The following DHRSX variants were observed in gnomAD, a reference collection of about 807,000 sequenced individuals.
DHRSX encodes dehydrogenase/reductase X-linked.
Under a neutral mutation model 34.0 loss-of-function variants are expected in DHRSX, and 31 were observed. That is an observed-to-expected ratio of 0.91 (90% CI 0.69 to 1.23). The LOEUF is 1.23. Ranked by LOEUF, DHRSX falls within the 50% of genes most tolerant of loss-of-function variation. DHRSX has a pLI of 0.00. For missense variants in DHRSX, 414 were observed against 428.1 expected, an observed-to-expected ratio of 0.97 and a Z score of 0.29; for synonymous variants, 201 against 183.8, an observed-to-expected ratio of 1.09 and a Z score of -0.76.
intron 1 of DHRSX, among the ~76,000 whole-genome samples, chrX:2,460,302 T>C (rs150306972): frequency 0.027 from 4,101 of 151,296 alleles, 147 homozygotes; most frequent in African/African-American, 0.079. Flanking sequence ...CTCATCCTCC[T>C]GAGTACATGC....
chrX:2,481,683 CCACACTG>C (rs1347924565), intron 1 of DHRSX, among the ~76,000 whole-genome samples: 1 of 151,962 alleles, frequency 6.6e-6, no homozygotes, highest in African/African-American at 2.4e-5. Context: ...AAAATGGTAT[CCACACTG>C]CAGCATGGAC....
intron 4 of DHRSX, among the ~76,000 whole-genome samples, chrX:2,276,456 G>C (rs920353375): frequency 6.6e-6 from 1 of 152,250 alleles, no homozygotes; most frequent in East Asian, 1.9e-4. Flanking sequence ...ATCGTCCATC[G>C]ATCTGCCAAT....
intron 3 of DHRSX, among the ~76,000 whole-genome samples, chrX:2,395,554 T>C (rs2043399113): frequency 6.6e-6 from 1 of 152,160 alleles, no homozygotes; most frequent in Admixed American, 6.5e-5. Context: ...CCTCCTGTCA[T>C]GCCCCATCGG....
At chrX:2,429,853 T>C (rs935742985) in intron 1 of DHRSX, among the ~76,000 whole-genome samples, 3 of 144,548 alleles carry the variant, frequency 2.1e-5, no homozygotes, top group Non-Finnish European at 4.4e-5. Context: ...GATGATATGA[T>C]GGTATGCCAG....
intron 3 of DHRSX, among the ~76,000 whole-genome samples, chrX:2,406,824 C>T (rs2043561444): frequency 6.6e-6 from 1 of 152,116 alleles, no homozygotes; most frequent in Admixed American, 6.6e-5. Context: ...GTGGGAATGT[C>T]AATTAGTACA....
chrX:2,356,610 G>A (rs753639180), intron 3 of DHRSX, among the ~76,000 whole-genome samples: 2 of 152,222 alleles, frequency 1.3e-5, no homozygotes, highest in South Asian at 4.2e-4. Context: ...GGACTGTACA[G>A]GTCAGTTATA....
chrX:2,257,084 T>C (rs73185703), intron 5 of DHRSX, among the ~76,000 whole-genome samples: 19,742 of 152,164 alleles, frequency 0.13, 1,825 homozygotes, highest in Non-Finnish European at 0.19. Context: ...GCCTTCCGAG[T>C]AGCAGGGATT....
intron 3 of DHRSX, among the ~76,000 whole-genome samples, chrX:2,299,156 C>T (rs1236262187): frequency 1.3e-5 from 2 of 152,118 alleles, no homozygotes; most frequent in Non-Finnish European, 2.9e-5. Context: ...CTAAGCAATT[C>T]GGTCAAGTCA....
intron 5 of DHRSX, among the ~76,000 whole-genome samples, chrX:2,266,152 A>G (rs1243670557): frequency 3.4e-5 from 5 of 145,574 alleles, no homozygotes; most frequent in African/African-American, 1.3e-4. Flanking sequence ...TACCCAGAGC[A>G]CCAGTGTACA....
chrX:2,427,068 G>A (rs1413030104), intron 1 of DHRSX, among the ~76,000 whole-genome samples: 2 of 152,222 alleles, frequency 1.3e-5, no homozygotes, highest in African/African-American at 4.8e-5. Flanking sequence ...GAACTTTCCA[G>A]ATCTCACATC....
intron 1 of DHRSX, among the ~76,000 whole-genome samples, chrX:2,481,405 C>T (rs1603151383): frequency 6.6e-6 from 1 of 152,220 alleles, no homozygotes. Flanking sequence ...GTGGCTCACG[C>T]CTGTCATCCC....
intron 3 of DHRSX, among the ~76,000 whole-genome samples, chrX:2,393,645 G>A (rs1287706980): frequency 7.2e-6 from 1 of 139,670 alleles, no homozygotes. Context: ...CGACACACAG[G>A]GACCTCCCCG....
intron 6 of DHRSX, among the ~76,000 whole-genome samples, chrX:2,230,837 C>T (rs1005664306): frequency 1.1e-4 from 16 of 152,132 alleles, no homozygotes; most frequent in African/African-American, 2.2e-4. Flanking sequence ...TGGACTTGCC[C>T]GCCCCTACAA....
chrX:2,290,641 C>G lies in DHRSX; in HGVS notation c.388+861G>C, dbSNP rs141434706. 4.9e-3 allele frequency among the ~76,000 whole-genome samples: 744 copies of G among 152,268 alleles called. 10 individuals carry two copies. The highest frequency in any genetic ancestry group is 0.017 in the African/African-American group (702 of 41,558). ...ACTGTTTGACGTACGTCTGTTCTAT[C>G]CACTGTATTAATGTCACTATTTATT... is the stretch of plus-strand genomic sequence containing the variant. On this transcript the variant is annotated intron_variant, in intron 4 of 6. Transcript: ENST00000334651.
At position 2,295,391 on chromosome X, in the gene DHRSX, C is replaced by T. The variant is rs1446911031; in HGVS notation, c.287-3788G>A. 2.0e-5 allele frequency among the ~76,000 whole-genome samples: 3 copies of T among 152,142 alleles called. No homozygotes were observed. The East Asian group carries it at 5.8e-4, about 29-fold the overall frequency. On this transcript the variant is annotated intron_variant, in intron 3 of 6. Coordinates refer to ENST00000334651, the MANE Select transcript of DHRSX (RefSeq NM_145177.3). ...GTTGAACAATGAGAACACATGGACA[C>T]AGGGAGGGGAACATCACACACCAGG...
intron 6 of DHRSX, among the ~76,000 whole-genome samples, chrX:2,240,291 CAA>C (rs778881739): frequency 2.3e-5 from 3 of 130,352 alleles, no homozygotes; most frequent in Admixed American, 7.9e-5. Flanking sequence ...GACTCTATCT[CAA>C]AAAAAAAAAG....
chrX:2,481,801 T>G (rs1362474108), intron 1 of DHRSX, among the ~76,000 whole-genome samples: 1 of 148,068 alleles, frequency 6.8e-6, no homozygotes, highest in Non-Finnish European at 1.5e-5. Context: ...GGAGGGTTGG[T>G]GAGATCAGGC....
chrX:2,392,663 A>C (rs1389687654), intron 3 of DHRSX, among the ~76,000 whole-genome samples: 2 of 146,042 alleles, frequency 1.4e-5, no homozygotes, highest in Non-Finnish European at 3.0e-5. Flanking sequence ...ATATATATAA[A>C]ATAATATATA....
In DHRSX at chrX:2,262,265, G is replaced by A. The variant is rs372912655; in HGVS notation, c.596+4475C>T. On this transcript the variant is annotated intron_variant, in intron 5 of 6. Transcript: ENST00000334651. Reference sequence around the variant, plus strand: ...AGCTGAGAAGAAGCCTGAGAAACACGCATGTCTTCCTCTGGGTGCTGTCAT... The same window carrying A: ...AGCTGAGAAGAAGCCTGAGAAACACACATGTCTTCCTCTGGGTGCTGTCAT... 1.3e-3 allele frequency among the ~76,000 whole-genome samples: 200 copies of A among 152,320 alleles called. 1 individual carries two copies. The highest frequency in any genetic ancestry group is 4.5e-3 in the African/African-American group (189 of 41,566).
Sources: allele counts gnomAD v4.1 joint callset (sites outside exome capture counted in the v4.1 genomes callset), GRCh38; gene constraint gnomAD v4.1.1; transcripts MANE v1.5; gene names NCBI Gene and HGNC (gene_info 2026-07-23, HGNC 2026-07-21).